GAB2: variants seen among roughly 807,000 people sequenced by gnomAD.
GAB2 encodes GRB2-associated-binding protein 2.
Under a neutral mutation model 65.5 loss-of-function variants are expected in GAB2, and 26 were observed. That is an observed-to-expected ratio of 0.40 (90% CI 0.29 to 0.55). The LOEUF is 0.55. Among genes scored for constraint, GAB2 ranks in the 20% least tolerant of loss-of-function variants. The pLI is 0.53. For missense variants in GAB2, 884 were observed against 875.8 expected (o/e 1.01, Z -0.12); for synonymous variants, 321 against 329.6 (o/e 0.97, Z 0.28).
intron 1 of GAB2, among the ~76,000 whole-genome samples, chr11:78,300,685 G>GT (rs763136988): frequency 0.023 from 2,753 of 120,424 alleles, 39 homozygotes; most frequent in South Asian, 0.04. Context: ...TTTTTTTTTG[G>GT]TTTTTTTTTG....
intron 2 of GAB2, among the ~76,000 whole-genome samples, chr11:78,264,077 G>T (rs958197671): frequency 2.6e-5 from 4 of 152,080 alleles, no homozygotes; most frequent in African/African-American, 9.7e-5. Context: ...AATTATTATT[G>T]ACATGCTGTT....
intron 2 of GAB2, among the ~76,000 whole-genome samples, chr11:78,272,835 C>A (rs1358511513): frequency 6.6e-6 from 1 of 152,212 alleles, no homozygotes; most frequent in Non-Finnish European, 1.5e-5. Context: ...GTTTTGTGGG[C>A]CGGGCCCAGG....
intron 1 of GAB2, among the ~76,000 whole-genome samples, chr11:78,405,200 G>A (rs1024403464): frequency 2.1e-5 from 3 of 144,964 alleles, no homozygotes; most frequent in East Asian, 2.2e-4. Flanking sequence ...CCCGGTTCAC[G>A]CCATTCTCCT....
intron 1 of GAB2, among the ~76,000 whole-genome samples, chr11:78,352,750 A>C (rs1565170443): frequency 6.6e-6 from 1 of 152,192 alleles, no homozygotes; most frequent in Non-Finnish European, 1.5e-5. Flanking sequence ...TTTCTGAGGG[A>C]AAGTGCCTGA....
rs1226410284 is a variant in GAB2 at position 78,399,314 on chromosome 11, T to C, written c.75+18332A>G. ...CGAATTAGAGATGAAAAAAGTGTCA[T>C]GGAAGCAAGCCCAGAAGGCGGCTCC... On this transcript the variant is annotated intron_variant, in intron 1 of 9. Coordinates refer to ENST00000361507, the MANE Select transcript of GAB2 (RefSeq NM_080491.3). Among the ~76,000 whole-genome samples, 9 of 152,292 alleles carry C rather than the reference T, an allele frequency of 5.9e-5. No homozygotes were observed. The South Asian group carries it at 1.7e-3, about 28-fold the overall frequency.
chr11:78,336,624 T>A (rs1412468190), intron 1 of GAB2, among the ~76,000 whole-genome samples: 1 of 152,110 alleles, frequency 6.6e-6, no homozygotes, highest in Non-Finnish European at 1.5e-5. Flanking sequence ...GTGCTTTGTT[T>A]TATAAAATAG....
chr11:78,244,758 G>C (rs189094938), intron 3 of GAB2, among the ~76,000 whole-genome samples: 1 of 151,916 alleles, frequency 6.6e-6, no homozygotes, highest in Non-Finnish European at 1.5e-5. Context: ...ACCCCAGTTG[G>C]GATGGCTATT....
chr11:78,301,601 G>T (rs1474073193), intron 1 of GAB2, among the ~76,000 whole-genome samples: 1 of 152,108 alleles, frequency 6.6e-6, no homozygotes, highest in African/African-American at 2.4e-5. Context: ...TCAAAGTGTT[G>T]GGATTACAGG....
intron 1 of GAB2, among the ~76,000 whole-genome samples, chr11:78,401,685 T>C (rs542277393): frequency 9.3e-4 from 141 of 152,264 alleles, no homozygotes; most frequent in Admixed American, 2.8e-3. Flanking sequence ...GTATACCAGA[T>C]AGCATATATG....
chr11:78,392,023 G>C (rs986213877), intron 1 of GAB2: 1 of 152,120 alleles, frequency 6.6e-6, no homozygotes, highest in Non-Finnish European at 1.5e-5. Context: ...GGCGGATCAC[G>C]AAGTCAGGAG....
chr11:78,283,472 C>T (rs1866384341), intron 1 of GAB2, among the ~76,000 whole-genome samples: 1 of 152,238 alleles, frequency 6.6e-6, no homozygotes, highest in African/African-American at 2.4e-5. Flanking sequence ...CAATTCTTCA[C>T]CAACTATGGC....
At chr11:78,376,381 G>T (rs1856631248) in intron 1 of GAB2, among the ~76,000 whole-genome samples, 1 of 152,154 alleles carries the variant, frequency 6.6e-6, no homozygotes, top group Admixed American at 6.5e-5. Context: ...AGCACTTTAT[G>T]TATTAACTCA....
At chr11:78,412,734 T>A (rs1420504889) in intron 1 of GAB2, among the ~76,000 whole-genome samples, 1 of 152,220 alleles carries the variant, frequency 6.6e-6, no homozygotes, top group African/African-American at 2.4e-5. Context: ...AATGTTTAAT[T>A]TTTTTAAAAA....
chr11:78,364,425 A>G (rs1180559473), intron 1 of GAB2, among the ~76,000 whole-genome samples: 2 of 152,254 alleles, frequency 1.3e-5, no homozygotes, highest in Admixed American at 1.3e-4. Flanking sequence ...ATTGTAGCAC[A>G]GTATCTATAA....
At position 78,394,287 on chromosome 11, in the gene GAB2, C is replaced by CAA. The variant is rs376725831; in HGVS notation, c.75+23357_75+23358dup. ...TGGGTGACAGAGCAAGACTCCATCT[C>CAA]AAAAAAAACACCAAAAAACAAAAAA... On this transcript the variant is annotated intron_variant, in intron 1 of 9. Coordinates refer to ENST00000361507, the MANE Select transcript of GAB2 (RefSeq NM_080491.3). 9.0e-3 allele frequency among the ~76,000 whole-genome samples: 1,365 copies of CAA among 151,622 alleles called. 17 individuals carry two copies. The highest frequency in any genetic ancestry group is 0.032 in the African/African-American group (1,306 of 41,292).
intron 3 of GAB2, among the ~76,000 whole-genome samples, chr11:78,244,862 T>C (rs1437758272): frequency 6.6e-6 from 1 of 152,108 alleles, no homozygotes; most frequent in Non-Finnish European, 1.5e-5. Flanking sequence ...ACAGTCGTTA[T>C]GGAAAACAGT....
chr11:78,222,855 T>TTACAGGCG (rs1305443465), intron 6 of GAB2, among the ~76,000 whole-genome samples: 2 of 152,212 alleles, frequency 1.3e-5, no homozygotes, highest in South Asian at 2.1e-4. Context: ...AGTGTTGGGG[T>TTACAGGCG]TACAGGCGTA....
chr11:78,267,633 T>C (rs960983426), intron 2 of GAB2, among the ~76,000 whole-genome samples: 1 of 150,808 alleles, frequency 6.6e-6, no homozygotes, highest in Non-Finnish European at 1.5e-5. Flanking sequence ...TCGAGGCGGG[T>C]AGATGACGAG....
At position 78,346,993 on chromosome 11, in the gene GAB2, C is replaced by T. The variant is rs578105093; in HGVS notation, c.76-66092G>A. On this transcript the variant is annotated intron_variant, in intron 1 of 9. Coordinates refer to ENST00000361507, the MANE Select transcript of GAB2 (RefSeq NM_080491.3). ...AAGGGAGGGAAAGCAGACTGACTCA[C>T]TATTTGTTTTCCAAAAATAAAAAAT... Among the ~76,000 whole-genome samples, 239 of 151,944 alleles carry T rather than the reference C, an allele frequency of 1.6e-3. No individual in the cohort carries two copies. In the South Asian group the frequency reaches 0.018, roughly 12 times the overall value.
Sources: gnomAD v4.1 joint callset for allele counts (sites outside exome capture counted in the v4.1 genomes callset) on GRCh38, gnomAD v4.1.1 for gene constraint, MANE v1.5 for transcripts, NCBI Gene and HGNC (gene_info 2026-07-23, HGNC 2026-07-21) for gene names.